LUZP2: variants seen among roughly 807,000 people sequenced by gnomAD.
The protein encoded by LUZP2 is leucine zipper protein 2.
LUZP2 carries 52 observed loss-of-function variants against 51.6 expected under a neutral mutation model. That is an observed-to-expected ratio of 1.01 (90% CI 0.81 to 1.27). LUZP2 has a LOEUF of 1.27. Among genes scored for constraint, LUZP2 ranks in the 50% most tolerant of loss-of-function variants. The pLI is 0.00. For synonymous variants in LUZP2, 154 were observed against 137.3 expected, an observed-to-expected ratio of 1.12 and a Z score of -0.85; for missense variants, 436 against 395.4, an observed-to-expected ratio of 1.10 and a Z score of -0.87.
chr11:24,687,445 C>T (rs1160912993), intron 1 of LUZP2, among the ~76,000 whole-genome samples: 1 of 152,048 alleles, frequency 6.6e-6, no homozygotes, highest in African/African-American at 2.4e-5. Context: ...TGAATTTAAT[C>T]CTTGTAATAA....
At chr11:24,921,591 G>C (rs1854057345) in intron 7 of LUZP2, among the ~76,000 whole-genome samples, 1 of 152,096 alleles carries the variant, frequency 6.6e-6, no homozygotes, top group African/African-American at 2.4e-5. Context: ...AAAAGAAATG[G>C]TTTGGGGGTT....
intron 1 of LUZP2, among the ~76,000 whole-genome samples, chr11:24,645,842 T>C (rs1026880209): frequency 2.4e-5 from 1 of 42,036 alleles, no homozygotes. Flanking sequence ...ATATATTAAG[T>C]GTGTGTGTGT....
chr11:24,642,459 T>G (rs1383675773), intron 1 of LUZP2, among the ~76,000 whole-genome samples: 1 of 151,858 alleles, frequency 6.6e-6, no homozygotes. Flanking sequence ...TGTTCAGTCC[T>G]CCACCAACCC....
intron 9 of LUZP2, among the ~76,000 whole-genome samples, chr11:25,041,694 G>A (rs1331865687): frequency 6.6e-6 from 1 of 152,074 alleles, no homozygotes; most frequent in East Asian, 1.9e-4. Context: ...GTGGGTCGAG[G>A]ATCAAAGGGA....
chr11:24,915,606 A>G (rs1036116190), intron 7 of LUZP2, among the ~76,000 whole-genome samples: 1 of 152,016 alleles, frequency 6.6e-6, no homozygotes, highest in African/African-American at 2.4e-5. Flanking sequence ...ATAGAAAGGG[A>G]GTTGCTGTGG....
chr11:24,819,869 C>G (rs1157544378), intron 5 of LUZP2, among the ~76,000 whole-genome samples: 1 of 152,054 alleles, frequency 6.6e-6, no homozygotes, highest in African/African-American at 2.4e-5. Flanking sequence ...TGAGGCTCTT[C>G]ATTTTATGAG....
chr11:24,656,575 A>G (rs930921901), intron 1 of LUZP2, among the ~76,000 whole-genome samples: 13 of 152,324 alleles, frequency 8.5e-5, no homozygotes, highest in Middle Eastern at 3.4e-3. Context: ...CATTCCTTCC[A>G]GGAGGCTCTG....
intron 1 of LUZP2, among the ~76,000 whole-genome samples, chr11:24,624,029 CT>C (rs1854595899): frequency 6.6e-6 from 1 of 152,080 alleles, no homozygotes; most frequent in African/African-American, 2.4e-5. Flanking sequence ...ATAATCATGA[CT>C]TGATTTCATC....
At chr11:24,687,180 T>A (rs1370924116) in intron 1 of LUZP2, among the ~76,000 whole-genome samples, 4 of 152,182 alleles carry the variant, frequency 2.6e-5, no homozygotes, top group Non-Finnish European at 4.4e-5. Flanking sequence ...TGATTTAAAA[T>A]GTCCTTATGT....
chr11:24,986,459 A>G (rs4411248), intron 9 of LUZP2, among the ~76,000 whole-genome samples: 71,564 of 150,924 alleles, frequency 0.47, 17,366 homozygotes, highest in Non-Finnish European at 0.51. Context: ...TGAAATTGGT[A>G]ACATTTATAC....
intron 8 of LUZP2, among the ~76,000 whole-genome samples, chr11:24,978,405 C>T (rs565017703): frequency 9.2e-5 from 14 of 151,810 alleles, no homozygotes; most frequent in Admixed American, 2.6e-4. Flanking sequence ...CCTGTACAGT[C>T]GCTGCAATAT....
chr11:24,597,904 C>T (rs1853495715), intron 1 of LUZP2, among the ~76,000 whole-genome samples: 1 of 152,096 alleles, frequency 6.6e-6, no homozygotes. Flanking sequence ...GAGTTCAAGA[C>T]CAGCCTTGTC....
intron 1 of LUZP2, among the ~76,000 whole-genome samples, chr11:24,549,820 A>T (rs1053958379): frequency 2.6e-5 from 4 of 152,084 alleles, no homozygotes; most frequent in Non-Finnish European, 5.9e-5. Flanking sequence ...CCCAACGTTA[A>T]CTAAAACCAC....
chr11:24,882,562 T>G (rs777931145), intron 5 of LUZP2, among the ~76,000 whole-genome samples: 3 of 152,202 alleles, frequency 2.0e-5, no homozygotes, highest in East Asian at 3.9e-4. Context: ...TGTAGTATTA[T>G]ACAGAGTAGT....
At chr11:25,030,475 A>G (rs1227108586) in intron 9 of LUZP2, among the ~76,000 whole-genome samples, 1 of 152,072 alleles carries the variant, frequency 6.6e-6, no homozygotes, top group African/African-American at 2.4e-5. Context: ...CCAAGTGTCT[A>G]TCAACATTAA....
intron 5 of LUZP2, among the ~76,000 whole-genome samples, chr11:24,844,088 G>T (rs969914946): frequency 6.6e-6 from 1 of 152,168 alleles, no homozygotes; most frequent in African/African-American, 2.4e-5. Flanking sequence ...TGGGTAACAG[G>T]CAAAGGTTGG....
intron 6 of LUZP2, among the ~76,000 whole-genome samples, chr11:24,906,449 C>T (rs1853456034): frequency 6.6e-6 from 1 of 151,964 alleles, no homozygotes; most frequent in South Asian, 2.1e-4. Flanking sequence ...AGTGAAGATT[C>T]CGGGCTTGTC....
intron 7 of LUZP2, among the ~76,000 whole-genome samples, chr11:24,923,289 A>G (rs1368530871): frequency 2.0e-5 from 3 of 152,188 alleles, no homozygotes; most frequent in African/African-American, 7.2e-5. Flanking sequence ...AAGATCTGTG[A>G]AAGAAAAATC....
chr11:24,826,105 G>A (rs1282890846), intron 5 of LUZP2, among the ~76,000 whole-genome samples: 1 of 147,418 alleles, frequency 6.8e-6, no homozygotes, highest in East Asian at 2.0e-4. Context: ...GAACCCGGGA[G>A]ACGGAGCTTG....
Sources: allele counts gnomAD v4.1 joint callset (sites outside exome capture counted in the v4.1 genomes callset), GRCh38; gene constraint gnomAD v4.1.1; transcripts MANE v1.5; gene names NCBI Gene and HGNC (gene_info 2026-07-23, HGNC 2026-07-21).